The following TEX35 variants were observed in gnomAD, a reference collection of about 807,000 sequenced individuals.
TEX35 encodes testis expressed 35.
TEX35 carries 26 observed loss-of-function variants against 31.9 expected under a neutral mutation model. The ratio of observed to expected loss-of-function variants is 0.81; its 90% CI spans 0.60 to 1.13. The LOEUF is 1.13. Ranked by LOEUF, TEX35 falls within the 50% of genes most tolerant of loss-of-function variation. The probability of loss-of-function intolerance (pLI) is 0.00; values close to 1 mark genes in which losing one functional copy is unlikely to be tolerated. For missense variants in TEX35, 278 were observed against 273.5 expected (o/e 1.02, Z -0.12); for synonymous variants, 87 against 90.7 (o/e 0.96, Z 0.23).
chr1:178,513,659 G>C (rs1649956885), intron 1 of TEX35, among the ~76,000 whole-genome samples: 1 of 152,272 alleles, frequency 6.6e-6, no homozygotes, highest in African/African-American at 2.4e-5. Context: ...AGATAGTAGA[G>C]AGGTCAGCTG....
chr1:178,520,367 CGAA>C lies in TEX35; in HGVS notation c.277-3_277-1del. 1 of 1,612,742 alleles carries C rather than the reference CGAA, an allele frequency of 6.2e-7. No individual in the cohort carries two copies. Among genetic ancestry groups the C allele is most frequent in the Non-Finnish European group, 8.5e-7 (1 of 1,179,510 alleles). ...AAGATGCTAGTTCTGAATTCTCTCT[CGAA>C]GGAAATGCAGAAAGATATGGATGAG... On this transcript the variant is annotated splice_acceptor_variant and splice_polypyrimidine_tract_variant and intron_variant, in intron 5 of 8. Coordinates refer to ENST00000319416, the MANE Select transcript of TEX35 (RefSeq NM_032126.5). LOFTEE classifies it high-confidence loss of function.
Position 178,520,687 on chromosome 1 carries a change from C to T in TEX35, c.356C>T (p.Ala119Val), listed in dbSNP as rs140390790. ...QKNYKLPLRRAPKEQQELRLM... is the reference protein window; with the variant it reads ...QKNYKLPLRRVPKEQQELRLM... ...TCCTCCCCCAGTCCCCTTAGAAGAG[C>T]ACCAAAGGAGCAGCAGGAACTCAGG... is the stretch of plus-strand genomic sequence containing the variant. The change falls in exon 7 of 9, where the codon GCA (alanine) becomes GTA (valine). Residue 119 changes from alanine (A) to valine (V), a missense_variant. Ala to Val is a moderately conservative substitution (Grantham distance 64). Coordinates refer to ENST00000319416, the MANE Select transcript of TEX35 (RefSeq NM_032126.5). 1 of 1,613,870 alleles carries T rather than the reference C, an allele frequency of 6.2e-7. No homozygotes were observed. Among genetic ancestry groups the T allele is most frequent in the African/African-American group, 1.3e-5 (1 of 74,892 alleles).
chr1:178,513,119 T>A lies in TEX35; in HGVS notation c.-70T>A. On this transcript the variant is annotated 5_prime_UTR_variant, in exon 1 of 9. In the 5' UTR this introduces an upstream ATG that the reference lacks. Transcript: ENST00000319416. Reference sequence around the variant, plus strand: ...CCCTGCCCTCACCTTGACCTGTAAGTTGCCTAGGACAGTGGCCTGGTCCCA... The same window carrying A: ...CCCTGCCCTCACCTTGACCTGTAAGATGCCTAGGACAGTGGCCTGGTCCCA... The A allele has an allele frequency of 6.5e-7, 1 of 1,544,312 alleles. No homozygotes were observed. The highest frequency in any genetic ancestry group is 8.9e-7 in the Non-Finnish European group (1 of 1,117,902).
At chr1:178,521,751 G>A in intron 8 of TEX35, 2 of 1,551,690 alleles carry the variant, frequency 1.3e-6, no homozygotes, top group Non-Finnish European at 1.7e-6. Context: ...TTCTTGTCCT[G>A]TTAAATACCA....
At chr1:178,521,067 G>GA in intron 7 of TEX35, 155 bp from the exon 8 acceptor site, 1 of 1,565,368 alleles carries the variant, frequency 6.4e-7, no homozygotes. Flanking sequence ...CCTTAGCTGT[G>GA]ACCATGCAGG....
chr1:178,522,041 T>C (rs754795105), intron 8 of TEX35: 13 of 655,914 alleles, frequency 2.0e-5, no homozygotes, highest in Non-Finnish European at 2.8e-5. Flanking sequence ...CCCCTGATGA[T>C]AGCGGACGCC....
intron 8 of TEX35, chr1:178,521,925 G>A: frequency 8.0e-7 from 1 of 1,247,808 alleles, no homozygotes; most frequent in Middle Eastern, 2.8e-4. Context: ...GCTTCCTGAT[G>A]GATTGGTGGG....
chr1:178,514,181 C>T, intron 2 of TEX35, 104 bp downstream of exon 2: 2 of 1,600,786 alleles, frequency 1.2e-6, no homozygotes, highest in East Asian at 2.2e-5. Context: ...CAAGATTTGT[C>T]CCAGGTGCTG....
chr1:178,517,229 G>A (rs897996650), intron 5 of TEX35, among the ~76,000 whole-genome samples: 2 of 152,082 alleles, frequency 1.3e-5, no homozygotes, highest in African/African-American at 2.4e-5. Flanking sequence ...TAAAATTCAC[G>A]ATAAAAACAA....
chr1:178,521,619 T>C, intron 8 of TEX35: 1 of 1,552,268 alleles, frequency 6.4e-7, no homozygotes. Flanking sequence ...AGCTGCCTTC[T>C]GATTTATCTG....
At chr1:178,523,379 T>A (rs1165693911), downstream of TEX35, 2 of 646,994 alleles carry the variant, frequency 3.1e-6, no homozygotes, top group Non-Finnish European at 5.6e-6. Context: ...TCCAAACTGT[T>A]CTCCATAGTG....
At chr1:178,521,721 T>G in intron 8 of TEX35, 1 of 1,551,800 alleles carries the variant, frequency 6.4e-7, no homozygotes, top group African/African-American at 1.4e-5. Context: ...TCCAAGCTCC[T>G]TAAGATGCAC....
intron 8 of TEX35, chr1:178,521,861 GTTGA>G (rs1447855735): frequency 7.4e-6 from 11 of 1,485,768 alleles, no homozygotes; most frequent in Non-Finnish European, 8.9e-6. Flanking sequence ...GTGTGTGGAG[GTTGA>G]TTATTTTTGG....
intron 4 of TEX35, among the ~76,000 whole-genome samples, chr1:178,516,127 T>A (rs1650067085): frequency 6.6e-6 from 1 of 152,204 alleles, no homozygotes; most frequent in Non-Finnish European, 1.5e-5. Flanking sequence ...CCCTAAAGTG[T>A]CTCTTTGGTA....
rs1309921684 is a variant in TEX35, at chr1:178,522,585, C to T, written c.*145C>T. 55 of 1,333,260 alleles carry T rather than the reference C, an allele frequency of 4.1e-5. No homozygotes were observed. The highest frequency in any genetic ancestry group is 5.3e-5 in the Non-Finnish European group (55 of 1,039,944). The allele number at this position is 1,333,260 out of a possible 1,614,324, so 82.6% of individuals were successfully genotyped here. Reference sequence around the variant, plus strand: ...TTTCATATTTTATTTCACACCAGTTCCTCCTTGTTTCATCTCTTTGCTAAG... The same window carrying T: ...TTTCATATTTTATTTCACACCAGTTTCTCCTTGTTTCATCTCTTTGCTAAG... On this transcript the variant is annotated 3_prime_UTR_variant, in exon 9 of 9. Transcript: ENST00000319416.
chr1:178,516,770 A>G, intron 5 of TEX35, 96 bp downstream of exon 5: 1 of 739,508 alleles, frequency 1.4e-6, no homozygotes, highest in Non-Finnish European at 2.2e-6. Flanking sequence ...CTTATTATCT[A>G]CTAGTAGTCC....
At chr1:178,521,610 G>A in intron 8 of TEX35, 1 of 1,551,706 alleles carries the variant, frequency 6.4e-7, no homozygotes, top group Non-Finnish European at 8.7e-7. Flanking sequence ...GGCTTCTGGA[G>A]CTGCCTTCTG....
intron 8 of TEX35, chr1:178,521,963 CT>C (rs1477565794): frequency 6.3e-5 from 61 of 971,812 alleles, no homozygotes; most frequent in Non-Finnish European, 8.5e-5. Flanking sequence ...TCTTAGGGTC[CT>C]CCCAACCACC....
Position 178,513,150 on chromosome 1 carries a change from T to A in TEX35, c.-39T>A. On this transcript the variant is annotated 5_prime_UTR_variant, in exon 1 of 9. Coordinates refer to ENST00000319416, the MANE Select transcript of TEX35 (RefSeq NM_032126.5). ...AGGACAGTGGCCTGGTCCCAGGGGC[T>A]GTTGTGGGGAGTTGAAGAACACCCT... is the stretch of plus-strand genomic sequence containing the variant. 1.2e-6 allele frequency: 2 copies of A among 1,611,058 alleles called. No homozygotes were observed. The highest frequency in any genetic ancestry group is 1.7e-6 in the Non-Finnish European group (2 of 1,177,510).
Sources: allele counts gnomAD v4.1 joint callset (sites outside exome capture counted in the v4.1 genomes callset), GRCh38; gene constraint gnomAD v4.1.1; transcripts MANE v1.5; gene names NCBI Gene and HGNC (gene_info 2026-07-23, HGNC 2026-07-21).